The following UGGT2 variants were observed in gnomAD, a reference collection of about 807,000 sequenced individuals.
UGGT2 encodes UDP-glucose:glycoprotein glucosyltransferase 2.
Under a neutral mutation model 192.1 loss-of-function variants are expected in UGGT2, and 180 were observed. That is an observed-to-expected ratio of 0.94 (90% CI 0.83 to 1.06). The LOEUF (loss-of-function observed/expected upper bound fraction) is 1.06, where lower values mean the gene tolerates loss of function less well. UGGT2 is among the 50% of genes least tolerant of loss of function. UGGT2 has a pLI of 0.00. For synonymous variants in UGGT2, 580 were observed against 591.0 expected (o/e 0.98, Z 0.27); for missense variants, 1,849 against 1,795.7 (o/e 1.03, Z -0.54).
At chr13:95,828,596 C>T (rs1482838644) in intron 38 of UGGT2, among the ~76,000 whole-genome samples, 1 of 152,092 alleles carries the variant, frequency 6.6e-6, no homozygotes, top group East Asian at 1.9e-4. Flanking sequence ...TGGATACATG[C>T]ACCCTCCCAA....
At position 96,024,789 on chromosome 13, in the gene UGGT2, A is replaced by G. The variant is rs1008494496; in HGVS notation, c.242-1030T>C. ...CCTGTGGATATCTGATGTGAAAGGGATAACAAGAAGAATGTGGTTACACCA... is the reference window on the plus strand; with the variant it reads ...CCTGTGGATATCTGATGTGAAAGGGGTAACAAGAAGAATGTGGTTACACCA... On this transcript the variant is annotated intron_variant, in intron 2 of 38. Coordinates refer to ENST00000376747, the MANE Select transcript of UGGT2 (RefSeq NM_020121.4). Among the ~76,000 whole-genome samples, 6 of 152,242 alleles carry G rather than the reference A, an allele frequency of 3.9e-5. No homozygotes were observed. In the East Asian group the frequency reaches 7.7e-4, roughly 20 times the overall value.
At chr13:95,929,590 G>T (rs2049172835) in intron 17 of UGGT2, among the ~76,000 whole-genome samples, 1 of 152,224 alleles carries the variant, frequency 6.6e-6, no homozygotes, top group African/African-American at 2.4e-5. Flanking sequence ...TTGGCCTCCA[G>T]CTGAGTCCAT....
At chr13:95,850,123 T>C (rs1304954972) in intron 36 of UGGT2, among the ~76,000 whole-genome samples, 1 of 152,182 alleles carries the variant, frequency 6.6e-6, no homozygotes, top group Non-Finnish European at 1.5e-5. Flanking sequence ...TCTTTTTTCT[T>C]TTCTAATGGA....
At chr13:96,048,793 T>G (rs946424343) in intron 1 of UGGT2, among the ~76,000 whole-genome samples, 7 of 152,110 alleles carry the variant, frequency 4.6e-5, no homozygotes, top group Non-Finnish European at 8.8e-5. Flanking sequence ...CAGGAAGAAG[T>G]TGAATCCCTG....
chr13:95,907,489 C>A (rs189541916), intron 20 of UGGT2, among the ~76,000 whole-genome samples: 1 of 152,062 alleles, frequency 6.6e-6, no homozygotes, highest in East Asian at 1.9e-4. Flanking sequence ...CTGGGAGACA[C>A]CTCCCAACAG....
Position 96,053,320 on chromosome 13 carries a change from A to C in UGGT2, c.-8T>G. The C allele has an allele frequency of 6.3e-7, 1 of 1,581,478 alleles. No individual in the cohort carries two copies. Among genetic ancestry groups the C allele is most frequent in the Non-Finnish European group, 8.5e-7 (1 of 1,173,096 alleles). On this transcript the variant is annotated 5_prime_UTR_variant, in exon 1 of 39. Transcript: ENST00000376747. ...GGCTTTCGCTGGCGCCATGGCACGGAGAGAAAAGCGCGAGTCCCTCGGACC... is the reference window on the plus strand; with the variant it reads ...GGCTTTCGCTGGCGCCATGGCACGGCGAGAAAAGCGCGAGTCCCTCGGACC...
intron 17 of UGGT2, among the ~76,000 whole-genome samples, chr13:95,927,863 G>A (rs1314527868): frequency 6.6e-6 from 1 of 152,080 alleles, no homozygotes; most frequent in African/African-American, 2.4e-5. Flanking sequence ...GAGTGGTGAT[G>A]ACTCTTAACG....
chr13:95,970,156 A>G lies in UGGT2; in HGVS notation c.1291T>C (p.Trp431Arg). Reference protein sequence around the residue: ...SKFLKLNSHIWEYTYVLDIRH... With the variant: ...SKFLKLNSHIREYTYVLDIRH... ...ATATCTAATACATAAGTATATTCCC[A>G]AATGTGTGAATTTAATTTTAAAAAT... Residue 431 changes from tryptophan (W) to arginine (R), a missense_variant, in exon 12 of 39, where the codon TGG (tryptophan) becomes CGG (arginine). Coordinates refer to ENST00000376747, the MANE Select transcript of UGGT2 (RefSeq NM_020121.4). 6.2e-7 allele frequency: 1 copy of G among 1,610,862 alleles called. No individual in the cohort carries two copies. Among genetic ancestry groups the G allele is most frequent in the South Asian group, 1.1e-5 (1 of 90,920 alleles).
chr13:96,013,132 C>T (rs1373079043), intron 5 of UGGT2, among the ~76,000 whole-genome samples, 175 bp downstream of exon 5: 1 of 151,836 alleles, frequency 6.6e-6, no homozygotes, highest in Non-Finnish European at 1.5e-5. Context: ...ACATCATACC[C>T]CCAGAAGAGA....
chr13:95,980,767 G>C (rs757161840), intron 10 of UGGT2, among the ~76,000 whole-genome samples: 2 of 152,142 alleles, frequency 1.3e-5, no homozygotes, highest in Non-Finnish European at 2.9e-5. Flanking sequence ...AGGCCAAGGC[G>C]GGGCAGATTA....
intron 1 of UGGT2, among the ~76,000 whole-genome samples, chr13:96,042,522 C>A (rs940487058): frequency 6.6e-6 from 1 of 151,836 alleles, no homozygotes; most frequent in African/African-American, 2.4e-5. Flanking sequence ...AGATGAAATG[C>A]CTGATTTACC....
At chr13:95,967,666 G>T (rs1462398353) in intron 12 of UGGT2, among the ~76,000 whole-genome samples, 1 of 151,658 alleles carries the variant, frequency 6.6e-6, no homozygotes, top group African/African-American at 2.4e-5. Context: ...TAGAGACGGG[G>T]TTTCACCATG....
intron 24 of UGGT2, among the ~76,000 whole-genome samples, chr13:95,893,569 A>G (rs994762270): frequency 7.5e-6 from 1 of 132,658 alleles, no homozygotes; most frequent in African/African-American, 2.6e-5. Flanking sequence ...ACATTTTCTA[A>G]AATTCAATAA....
At chr13:95,945,212 T>C (rs1176826691) in intron 15 of UGGT2, among the ~76,000 whole-genome samples, 2 of 152,222 alleles carry the variant, frequency 1.3e-5, no homozygotes, top group Non-Finnish European at 2.9e-5. Flanking sequence ...ATTATTATTT[T>C]GGTCTTATAT....
intron 29 of UGGT2, among the ~76,000 whole-genome samples, chr13:95,873,976 C>CACAGTAA (rs1372462766): frequency 3.3e-5 from 5 of 152,160 alleles, no homozygotes; most frequent in African/African-American, 4.8e-5. Flanking sequence ...ATGAAAGGCA[C>CACAGTAA]ACAGTAAACA....
chr13:96,022,907 G>T (rs2052556986), intron 4 of UGGT2, 133 bp downstream of exon 4: 1 of 504,350 alleles, frequency 2.0e-6, no homozygotes, highest in Admixed American at 4.4e-5. Flanking sequence ...ATATATTACG[G>T]TTTTCAATAC....
At chr13:95,841,335 T>C (rs1334056969) in intron 36 of UGGT2, among the ~76,000 whole-genome samples, 2 of 152,220 alleles carry the variant, frequency 1.3e-5, no homozygotes, top group Non-Finnish European at 2.9e-5. Flanking sequence ...TCTTGAGAGC[T>C]TGTTTGGAGG....
At chr13:95,857,522 G>A (rs1889732862) in intron 33 of UGGT2, among the ~76,000 whole-genome samples, 1 of 152,104 alleles carries the variant, frequency 6.6e-6, no homozygotes, top group East Asian at 1.9e-4. Flanking sequence ...TATAATTTTA[G>A]CAAATATTTG....
chr13:95,882,110 A>G (rs934737512), intron 27 of UGGT2, among the ~76,000 whole-genome samples: 2 of 151,970 alleles, frequency 1.3e-5, no homozygotes, highest in Non-Finnish European at 2.9e-5. Context: ...AGGTTTCACC[A>G]TGTTGGTCAG....
Sources: allele counts gnomAD v4.1 joint callset (sites outside exome capture counted in the v4.1 genomes callset), GRCh38; gene constraint gnomAD v4.1.1; transcripts MANE v1.5; gene names NCBI Gene and HGNC (gene_info 2026-07-23, HGNC 2026-07-21).